LRRC8C: variants seen among roughly 807,000 people sequenced by gnomAD.
LRRC8C encodes the protein volume-regulated anion channel subunit LRRC8C.
A neutral mutation model predicts 55.3 loss-of-function variants in LRRC8C; 20 were observed. The observed-to-expected ratio is 0.36, with a 90% CI of 0.25 to 0.53. LRRC8C has a LOEUF of 0.53. Among genes scored for constraint, LRRC8C ranks in the 20% least tolerant of loss-of-function variants. The pLI, the probability that LRRC8C is intolerant of heterozygous loss-of-function variation, is 0.92. For missense variants in LRRC8C, 659 were observed against 951.4 expected (o/e 0.69, Z 4.04); for synonymous variants, 376 against 360.7 (o/e 1.04, Z -0.48).
upstream of LRRC8C, among the ~76,000 whole-genome samples, chr1:89,630,749 T>G (rs1178749043): frequency 6.6e-6 from 1 of 152,230 alleles, no homozygotes; most frequent in African/African-American, 2.4e-5. Context: ...CTCACTCAAG[T>G]TGACTGATTG....
At chr1:89,619,684 T>C in the LRRC8C span, among the ~76,000 whole-genome samples, 23 of 152,004 alleles carry the variant, frequency 1.5e-4, no homozygotes, top group South Asian at 4.8e-3. Flanking sequence ...ATCAACAAAT[T>C]TTAACCTCTA....
At chr1:89,661,416 G>C (rs1371274692) in intron 1 of LRRC8C, 5 of 282,940 alleles carry the variant, frequency 1.8e-5, no homozygotes, top group Non-Finnish European at 3.5e-5. Context: ...GGGAGATCAA[G>C]CTTAGATGCT....
At chr1:89,684,285 T>C (rs1485436634) in intron 1 of LRRC8C, among the ~76,000 whole-genome samples, 2 of 152,222 alleles carry the variant, frequency 1.3e-5, no homozygotes, top group Non-Finnish European at 2.9e-5. Flanking sequence ...TCCAATTTCC[T>C]CTACGATGTA....
intron 2 of LRRC8C, among the ~76,000 whole-genome samples, chr1:89,710,944 T>A (rs1658632848): frequency 6.6e-6 from 1 of 152,196 alleles, no homozygotes; most frequent in Non-Finnish European, 1.5e-5. Context: ...TGCCTCAGTC[T>A]CCTCATCTAT....
At chr1:89,622,411 C>A in the LRRC8C span, among the ~76,000 whole-genome samples, 10 of 151,066 alleles carry the variant, frequency 6.6e-5, no homozygotes, top group Non-Finnish European at 1.5e-4. Flanking sequence ...CGGCTCACTG[C>A]AAGCTCCGCC....
At chr1:89,677,513 G>A (rs758445274) in intron 1 of LRRC8C, among the ~76,000 whole-genome samples, 1 of 152,146 alleles carries the variant, frequency 6.6e-6, no homozygotes, top group Non-Finnish European at 1.5e-5. Flanking sequence ...TTGTTTCTTA[G>A]CACAGTTTAA....
At chr1:89,628,668 A>G (rs1017810220), upstream of LRRC8C, among the ~76,000 whole-genome samples, 25 of 152,254 alleles carry the variant, frequency 1.6e-4, no homozygotes, top group African/African-American at 6.0e-4. Context: ...CTGTCTGTTC[A>G]GATTTCTTCT....
intron 2 of LRRC8C, among the ~76,000 whole-genome samples, chr1:89,692,438 G>A (rs547874327): frequency 6.6e-6 from 1 of 152,258 alleles, no homozygotes; most frequent in East Asian, 1.9e-4. Flanking sequence ...CTAAAAGATT[G>A]TATTCATATA....
chr1:89,649,572 T>G (rs920934795), intron 1 of LRRC8C, among the ~76,000 whole-genome samples: 1 of 152,224 alleles, frequency 6.6e-6, no homozygotes, highest in African/African-American at 2.4e-5. Flanking sequence ...TATTAGTTTC[T>G]GTCTAGAAAA....
chr1:89,664,601 C>T (rs1462581702), intron 1 of LRRC8C, among the ~76,000 whole-genome samples: 1 of 152,142 alleles, frequency 6.6e-6, no homozygotes, highest in East Asian at 1.9e-4. Flanking sequence ...GTTCTTTTTG[C>T]TAAGGATTGT....
chr1:89,684,279 A>G (rs1019635862), intron 1 of LRRC8C, among the ~76,000 whole-genome samples: 1 of 152,208 alleles, frequency 6.6e-6, no homozygotes, highest in Admixed American at 6.5e-5. Context: ...AATAAGTCCA[A>G]TTTCCTCTAC....
intron 2 of LRRC8C, among the ~76,000 whole-genome samples, chr1:89,702,276 C>T (rs187022112): frequency 2.0e-4 from 30 of 151,922 alleles, no homozygotes; most frequent in Admixed American, 1.6e-3. Flanking sequence ...ACTCAGGATG[C>T]GTCTACCACC....
intron 1 of LRRC8C, among the ~76,000 whole-genome samples, chr1:89,684,026 A>G (rs555953554): frequency 1.3e-5 from 2 of 152,246 alleles, no homozygotes; most frequent in African/African-American, 2.4e-5. Context: ...TTTGGAAAAT[A>G]TGGTTATTTT....
intron 1 of LRRC8C, among the ~76,000 whole-genome samples, chr1:89,682,417 A>G (rs902994493): frequency 6.6e-6 from 1 of 152,186 alleles, no homozygotes; most frequent in African/African-American, 2.4e-5. Context: ...TGTTGTGAGT[A>G]TTCAGGTCTT....
At chr1:89,689,738 C>T (rs1386279966) in intron 2 of LRRC8C, among the ~76,000 whole-genome samples, 2 of 151,936 alleles carry the variant, frequency 1.3e-5, no homozygotes, top group Non-Finnish European at 2.9e-5. Flanking sequence ...GTCAGGAGTT[C>T]GAGACTAGCC....
the LRRC8C span, among the ~76,000 whole-genome samples, chr1:89,620,825 C>T: frequency 6.6e-6 from 1 of 152,204 alleles, no homozygotes; most frequent in Non-Finnish European, 1.5e-5. Flanking sequence ...CCACTCAACT[C>T]TGTTCTTCAG....
rs1377572985 is a variant in LRRC8C, at chr1:89,716,090, G to A, written c.*1108G>A. 6.6e-6 allele frequency: 1 copy of A among 152,158 alleles called. No homozygotes were observed. Among genetic ancestry groups the A allele is most frequent in the Middle Eastern group, 3.2e-3 (1 of 316 alleles). 9.4% of individuals were successfully genotyped at this position (152,158 alleles called of 1,614,324 possible). The stretch of plus-strand genomic sequence containing the variant: ...AGAAAGTTGTGTCTGTACTGAATAT[G>A]TACAGACTTTTTCCTTGTCATTATT... On this transcript the variant is annotated 3_prime_UTR_variant, in exon 3 of 3. Coordinates refer to ENST00000370454, the MANE Select transcript of LRRC8C (RefSeq NM_032270.5).
At chr1:89,710,400 C>A (rs1450555023) in intron 2 of LRRC8C, among the ~76,000 whole-genome samples, 1 of 151,724 alleles carries the variant, frequency 6.6e-6, no homozygotes, top group East Asian at 1.9e-4. Flanking sequence ...AAAGTGAAAA[C>A]TTTTCTTTAT....
chr1:89,713,036 G>C lies in LRRC8C; in HGVS notation c.466G>C (p.Glu156Gln). Residue 156 changes from glutamate to glutamine, a missense_variant, in exon 3 of 3, where the codon GAA (glutamate) becomes CAA (glutamine). By Grantham distance (29) the Glu-to-Gln change is conservative (BLOSUM62 2). This residue lies in a region of LRRC8C where 200 missense variants were observed against 360.5 expected (regional missense o/e 0.55). Coordinates refer to ENST00000370454, the MANE Select transcript of LRRC8C (RefSeq NM_032270.5). This position sits in a 1 kb window ranked among gnomAD's most constrained non-coding sequence, Gnocchi z 5.2. ...ATTCCCTGGTTCCAGCTCCAAAATA[G>C]AACATTTCATCTCCATTCTGGGGAA... is the stretch of plus-strand genomic sequence containing the variant. The part of the protein sequence containing the change: ...FKFPGSSSKI[E>Q]HFISILGKCF... 6.2e-7 allele frequency: 1 copy of C among 1,614,158 alleles called. No homozygotes were observed. Among genetic ancestry groups the C allele is most frequent in the Middle Eastern group, 1.6e-4 (1 of 6,062 alleles).
Sources: allele counts gnomAD v4.1 joint callset (sites outside exome capture counted in the v4.1 genomes callset), GRCh38; gene constraint gnomAD v4.1.1; regional missense constraint gnomAD v4.1.1; non-coding constraint Gnocchi (gnomAD v3.1); transcripts MANE v1.5; gene names NCBI Gene and HGNC (gene_info 2026-07-23, HGNC 2026-07-21).